Variants in ZFYVE1 observed in about 807,000 individuals in gnomAD.
ZFYVE1 encodes the protein zinc finger FYVE domain-containing protein 1.
Under a neutral mutation model 74.4 loss-of-function variants are expected in ZFYVE1, and 30 were observed. The ratio of observed to expected loss-of-function variants is 0.40; its 90% confidence interval spans 0.30 to 0.55. The LOEUF (loss-of-function observed/expected upper bound fraction) is 0.55, where lower values mean the gene tolerates loss of function less well. Among genes scored for constraint, ZFYVE1 ranks in the 20% least tolerant of loss-of-function variants. The pLI is 0.42. For synonymous variants in ZFYVE1, 335 were observed against 385.1 expected (o/e 0.87, Z 1.52); for missense variants, 703 against 1,011.6 (o/e 0.69, Z 4.14).
intron 4 of ZFYVE1, among the ~76,000 whole-genome samples, chr14:72,982,225 G>GAACCAAGA (rs1193725510): frequency 3.9e-5 from 6 of 152,036 alleles, no homozygotes; most frequent in African/African-American, 1.2e-4. Flanking sequence ...TGTGAGGCTG[G>GAACCAAGA]AACCAAGAAA....
intron 8 of ZFYVE1, among the ~76,000 whole-genome samples, chr14:72,976,945 C>T (rs1893188092): frequency 6.6e-6 from 1 of 151,988 alleles, no homozygotes; most frequent in South Asian, 2.1e-4. Flanking sequence ...AAAATAAGTC[C>T]CTCAGGGATA....
chr14:73,016,206 T>C (rs932575370), intron 2 of ZFYVE1, among the ~76,000 whole-genome samples: 7 of 152,114 alleles, frequency 4.6e-5, no homozygotes, highest in Admixed American at 1.3e-4. Context: ...CATTTATTTA[T>C]TATGACCTCT....
At chr14:73,005,973 G>A (rs1191512505) in intron 2 of ZFYVE1, among the ~76,000 whole-genome samples, 2 of 151,782 alleles carry the variant, frequency 1.3e-5, no homozygotes, top group Non-Finnish European at 2.9e-5. Context: ...CCAGGCTGGA[G>A]TGCAGTGGCA....
chr14:73,001,312 A>G (rs1334970269), intron 2 of ZFYVE1, among the ~76,000 whole-genome samples: 1 of 152,202 alleles, frequency 6.6e-6, no homozygotes, highest in African/African-American at 2.4e-5. Flanking sequence ...AATCATTTCA[A>G]TTAGCTTTTT....
chr14:72,988,700 G>A (rs1396213492), intron 4 of ZFYVE1, among the ~76,000 whole-genome samples: 1 of 151,166 alleles, frequency 6.6e-6, no homozygotes, highest in Non-Finnish European at 1.5e-5. Context: ...CAGGCTACTT[G>A]GGAGGCTGAG....
rs1024122230 is a variant in ZFYVE1 at position 72,970,739 on chromosome 14, C to G, written c.*143G>C. ...CTTCGGGCCTGCCGCCAGGCTCACC[C>G]CCACTGAGGGAAAGTGGCCCTGGAT... is the stretch of plus-strand genomic sequence containing the variant. On this transcript the variant is annotated 3_prime_UTR_variant, in exon 12 of 12. Transcript: ENST00000556143. 27 of 932,794 alleles carry G rather than the reference C, an allele frequency of 2.9e-5. No individual in the cohort carries two copies. Among genetic ancestry groups the G allele is most frequent in the Non-Finnish European group, 8.0e-6 (5 of 623,400 alleles). The allele number at this position is 932,794 out of a possible 1,614,324, so 57.8% of individuals were successfully genotyped here.
intron 4 of ZFYVE1, among the ~76,000 whole-genome samples, chr14:72,983,240 C>G (rs1213639795): frequency 6.6e-6 from 1 of 151,510 alleles, no homozygotes; most frequent in Non-Finnish European, 1.5e-5. Flanking sequence ...AGTACATGAG[C>G]ACAACGTGCA....
intron 4 of ZFYVE1, among the ~76,000 whole-genome samples, chr14:72,986,695 A>AT (rs1271385284): frequency 1.3e-5 from 2 of 151,392 alleles, no homozygotes; most frequent in Admixed American, 6.6e-5. Flanking sequence ...TGCCCAGCTG[A>AT]TTTTTTGTAT....
intron 2 of ZFYVE1, 81 bp downstream of exon 2, chr14:73,023,945 T>C: frequency 6.5e-7 from 1 of 1,536,514 alleles, no homozygotes; most frequent in Non-Finnish European, 8.7e-7. Context: ...GATCTCTTCT[T>C]GGACATCGTT....
chr14:72,974,413 T>A (rs1893111691), intron 10 of ZFYVE1, among the ~76,000 whole-genome samples: 2 of 152,218 alleles, frequency 1.3e-5, no homozygotes, highest in Admixed American at 1.3e-4. Flanking sequence ...GGCTCCTTTA[T>A]AACCCTTCTT....
chr14:73,009,675 G>T (rs1186934385), intron 2 of ZFYVE1, among the ~76,000 whole-genome samples: 2 of 152,226 alleles, frequency 1.3e-5, no homozygotes, highest in East Asian at 3.8e-4. Flanking sequence ...AGAATCACTT[G>T]AACCCAGGAA....
intron 2 of ZFYVE1, among the ~76,000 whole-genome samples, chr14:73,017,296 T>G (rs1177395929): frequency 6.6e-6 from 1 of 152,174 alleles, no homozygotes; most frequent in Non-Finnish European, 1.5e-5. Context: ...GATAACTCCT[T>G]CTGTCGGGGC....
intron 4 of ZFYVE1, among the ~76,000 whole-genome samples, chr14:72,985,667 GA>G (rs1055143133): frequency 7.0e-6 from 1 of 143,098 alleles, no homozygotes; most frequent in African/African-American, 2.6e-5. Context: ...GATACAGAAA[GA>G]AAAAAAGAGG....
chr14:72,971,159 C>T lies in ZFYVE1; in HGVS notation c.2102-45G>A, dbSNP rs372256576. On this transcript the variant is annotated intron_variant, in intron 11 of 11. Transcript: ENST00000556143. ...TCAGGGCACCCAAAGCCCAATACCC[C>T]GAGGCCCAACTAGCAAGAGGCCATC... The T allele has an allele frequency of 1.6e-4, 263 of 1,600,122 alleles. 1 individual carries two copies. In the African/African-American group the frequency reaches 2.3e-3, roughly 14 times the overall value.
At chr14:72,979,099 G>A (rs1034459187) in intron 5 of ZFYVE1, 130 bp from the exon 6 acceptor site, 1 of 774,372 alleles carries the variant, frequency 1.3e-6, no homozygotes, top group African/African-American at 1.7e-5. Context: ...CTCAGATGCT[G>A]AACACAGAAA....
chr14:72,980,758 C>G (rs1893309112), intron 5 of ZFYVE1, among the ~76,000 whole-genome samples: 5 of 151,802 alleles, frequency 3.3e-5, no homozygotes, highest in Non-Finnish European at 7.4e-5. Context: ...TTAGTAGAGA[C>G]AGGGTTTCAC....
At chr14:72,991,481 G>A (rs901725815) in intron 4 of ZFYVE1, among the ~76,000 whole-genome samples, 1 of 151,300 alleles carries the variant, frequency 6.6e-6, no homozygotes, top group East Asian at 1.9e-4. Flanking sequence ...GAGCCACCGC[G>A]CCCGGCCCCT....
chr14:73,022,702 C>T (rs1282778329), intron 2 of ZFYVE1, among the ~76,000 whole-genome samples: 1 of 152,158 alleles, frequency 6.6e-6, no homozygotes, highest in Non-Finnish European at 1.5e-5. Flanking sequence ...AAAGTATAGA[C>T]ATTACACTAC....
rs1198233598 is a variant in ZFYVE1 at position 73,023,376 on chromosome 14, A to ATT, written c.483+649_483+650insAA. 2.1e-3 allele frequency among the ~76,000 whole-genome samples: 41 copies of ATT among 19,302 alleles called. 2 individuals are homozygous for ATT. The highest frequency in any genetic ancestry group is 4.7e-3 in the African/African-American group (40 of 8,426). The allele number at this position is 19,302 out of a possible 152,430, so 12.7% of individuals were successfully genotyped here. A position where few individuals can be genotyped will look rare whatever the true frequency, so the allele number is the denominator to read the frequency against. On this transcript the variant is annotated intron_variant, in intron 2 of 11. Transcript: ENST00000556143. ...TATATATTATATATGTTTTATATAT[A>ATT]ATATATATATTTTATGTGTTTTATA...
Sources: allele counts gnomAD v4.1 joint callset (sites outside exome capture counted in the v4.1 genomes callset), GRCh38; gene constraint gnomAD v4.1.1; transcripts MANE v1.5; gene names NCBI Gene and HGNC (gene_info 2026-07-23, HGNC 2026-07-21).